The following BAG5 variants were observed in gnomAD, a reference collection of about 807,000 sequenced individuals.
The protein encoded by BAG5 is BAG family molecular chaperone regulator 5.
In BAG5, 25 loss-of-function variants were observed where a neutral mutation model predicts 31.8. The ratio of observed to expected loss-of-function variants is 0.79; its 90% CI spans 0.57 to 1.10. The LOEUF is 1.10. BAG5 is among the 50% of genes least tolerant of loss of function. The probability of loss-of-function intolerance (pLI) is 0.00; values close to 1 mark genes in which losing one functional copy is unlikely to be tolerated. For synonymous variants in BAG5, 208 were observed against 205.0 expected (o/e 1.01, Z -0.13); for missense variants, 491 against 527.9 (o/e 0.93, Z 0.68).
In BAG5 at chr14:103,561,055, T is replaced by G. The variant is rs760957630; in HGVS notation, c.110A>C (p.Lys37Thr). Reference sequence around the variant, plus strand: ...AATCCTCTCCAGTTTCTTGTAATTCTTGTCATCTGACAGACCACTGAAGCC... The same window carrying G: ...AATCCTCTCCAGTTTCTTGTAATTCGTGTCATCTGACAGACCACTGAAGCC... Reference protein sequence around the residue: ...VIGFSGLSDDKNYKKLERILT... With the variant: ...VIGFSGLSDDTNYKKLERILT... Residue 37 changes from lysine to threonine, a missense_variant, in exon 2 of 2, where the codon AAG becomes ACG. Transcript: ENST00000299204. 29 of 1,613,016 alleles carry G rather than the reference T, an allele frequency of 1.8e-5. No homozygotes were observed. The highest frequency in any genetic ancestry group is 2.2e-5 in the Non-Finnish European group (26 of 1,180,044).
rs766470677 is a variant in BAG5, at chr14:103,559,943, C to A, written c.1222G>T (p.Ala408Ser). The A allele has an allele frequency of 1.4e-4, 233 of 1,614,234 alleles. No individual in the cohort carries two copies. The Middle Eastern group carries it at 2.6e-3, about 18-fold the overall frequency. ...CCCTGCGGATCAACAGCATCCAGGGCTAGCAGCTGCTTGGTGAGCAGCTCT... is the reference window on the plus strand; with the variant it reads ...CCCTGCGGATCAACAGCATCCAGGGATAGCAGCTGCTTGGTGAGCAGCTCT... Reference protein sequence around the residue: ...LEELLTKQLLALDAVDPQGEE... With the variant: ...LEELLTKQLLSLDAVDPQGEE... The change falls in exon 2 of 2, where the codon GCC (alanine) becomes TCC (serine). Residue 408 changes from alanine (A) to serine (S), a missense_variant. By Grantham distance (99) the Ala-to-Ser change is moderately conservative. Transcript: ENST00000299204.
At chr14:103,561,255 T>C in intron 1 of BAG5, 63 bp from the exon 2 acceptor site, 3 of 1,464,576 alleles carry the variant, frequency 2.0e-6, no homozygotes, top group Non-Finnish European at 1.8e-6. Flanking sequence ...ACTAATGGTA[T>C]ATTAAGTCAT....
At position 103,559,907 on chromosome 14, in the gene BAG5, A is replaced by C; in HGVS notation, c.1258T>G (p.Cys420Gly). The C allele has an allele frequency of 6.2e-7, 1 of 1,614,134 alleles. No individual in the cohort carries two copies. Among genetic ancestry groups the C allele is most frequent in the South Asian group, 1.1e-5 (1 of 91,084 alleles). The change falls in exon 2 of 2, where the codon TGT (cysteine) becomes GGT (glycine). Residue 420 changes from cysteine (C) to glycine (G), a missense_variant. By Grantham distance (159) the Cys-to-Gly change is radical. Transcript: ENST00000299204. ...DAVDPQGEEK[C>G]KAARKQAVRL... ...ACAGCTTGTTTCCTGGCAGCCTTAC[A>C]CTTCTCTTCTCCCTGCGGATCAACA...
At chr14:103,562,248 C>T (rs1396780644) in intron 1 of BAG5, 3 of 516,100 alleles carry the variant, frequency 5.8e-6, no homozygotes, top group South Asian at 2.2e-5. Context: ...GCGGGGCAGC[C>T]GGTGAAGGGG....
chr14:103,561,868 AC>A, intron 1 of BAG5: 3 of 1,477,328 alleles, frequency 2.0e-6, no homozygotes, highest in Non-Finnish European at 1.9e-6. Flanking sequence ...TCAAAAAAAA[AC>A]AACCCGCGAA....
rs73361323 is a variant in BAG5, at chr14:103,561,966, A to G, written c.-29+650T>C. On this transcript the variant is annotated intron_variant, in intron 1 of 1. Coordinates refer to ENST00000299204, the MANE Select transcript of BAG5 (RefSeq NM_001015048.3). ...TGCACGTTTCAAGCTCTTGGTTTCT[A>G]TCAAACGGCTCGCTCAAGGTGGGTA... is the stretch of plus-strand genomic sequence containing the variant. 4.9e-3 allele frequency: 7,902 copies of G among 1,613,990 alleles called. 353 individuals are homozygous for G. The African/African-American group carries it at 0.091, about 19-fold the overall frequency.
chr14:103,559,939 A>G lies in BAG5; in HGVS notation c.1226T>C (p.Leu409Pro). The G allele has an allele frequency of 1.2e-6, 2 of 1,614,252 alleles. No individual in the cohort carries two copies. The highest frequency in any genetic ancestry group is 1.7e-6 in the Non-Finnish European group (2 of 1,180,052). Reference protein sequence around the residue: ...EELLTKQLLALDAVDPQGEEK... With the variant: ...EELLTKQLLAPDAVDPQGEEK... ...TTCTCCCTGCGGATCAACAGCATCC[A>G]GGGCTAGCAGCTGCTTGGTGAGCAG... Residue 409 changes from leucine to proline, a missense_variant, in exon 2 of 2, where the codon CTG (leucine) becomes CCG (proline). Physicochemically the swap from Leu to Pro is moderately conservative, Grantham distance 98. Coordinates refer to ENST00000299204, the MANE Select transcript of BAG5 (RefSeq NM_001015048.3).
Position 103,560,308 on chromosome 14 carries a change from A to T in BAG5, c.857T>A (p.Met286Lys), listed in dbSNP as rs746911735. 1.3e-5 allele frequency: 21 copies of T among 1,614,004 alleles called. No individual in the cohort carries two copies. Among genetic ancestry groups the T allele is most frequent in the Middle Eastern group, 1.6e-4 (1 of 6,062 alleles). The change falls in exon 2 of 2, where the codon ATG becomes AAG. Residue 286 changes from methionine to lysine, a missense_variant. Transcript: ENST00000299204. ...GAGAAGTTCATTTTTTATTTCTCTCATTCTCTTGAGGACCTTTTCTATTTT... is the reference window on the plus strand; with the variant it reads ...GAGAAGTTCATTTTTTATTTCTCTCTTTCTCTTGAGGACCTTTTCTATTTT... The part of the protein sequence containing the change: ...ILKIEKVLKR[M>K]REIKNELLQA...
In BAG5 at chr14:103,560,931, A is replaced by G. The variant is rs1253518775; in HGVS notation, c.234T>C (p.Leu78=). The part of the protein sequence containing the change: ...RKRAAQETER[L]LKELEQNANH... ...TTGCATTCTGCTCCAACTCTTTGAG[A>G]AGACGTTCTGTCTCCTGTGCTGCCC... Residue 78 remains leucine, a synonymous_variant, in exon 2 of 2, where the codon CTT becomes CTC. Coordinates refer to ENST00000299204, the MANE Select transcript of BAG5 (RefSeq NM_001015048.3). 16 of 1,614,032 alleles carry G rather than the reference A, an allele frequency of 9.9e-6. No individual in the cohort carries two copies. The highest frequency in any genetic ancestry group is 1.4e-5 in the Non-Finnish European group (16 of 1,180,058).
At chr14:103,561,381 G>C (rs749906360) in intron 1 of BAG5, among the ~76,000 whole-genome samples, 189 bp from the exon 2 acceptor site, 1 of 152,150 alleles carries the variant, frequency 6.6e-6, no homozygotes, top group Non-Finnish European at 1.5e-5. Context: ...ATTTTTAGTA[G>C]AGACAGGTCT....
rs773010949 is a variant in BAG5 at position 103,560,733 on chromosome 14, G to A, written c.432C>T (p.Ser144=). ...LTHVKTGGKI[S]LRKARYHTLT... The stretch of plus-strand genomic sequence containing the variant: ...AAGTGTGATACCTTGCTTTCCGCAA[G>A]GAGATTTTTCCTCCAGTTTTAACAT... The change falls in exon 2 of 2, where the codon TCC becomes TCT. Residue 144 remains serine, a synonymous_variant. Transcript: ENST00000299204. 9 of 1,614,074 alleles carry A rather than the reference G, an allele frequency of 5.6e-6. No individual in the cohort carries two copies. The highest frequency in any genetic ancestry group is 1.7e-5 in the Admixed American group (1 of 59,990).
chr14:103,560,466 G>A lies in BAG5; in HGVS notation c.699C>T (p.Cys233=), dbSNP rs201699944. Residue 233 remains cysteine, a synonymous_variant, in exon 2 of 2, where the codon TGC becomes TGT. Transcript: ENST00000299204. ...LIADLDALDV[C]GRTEIRNYRR... ...GATAATTTCTGATTTCTGTCCGGCCGCACACATCTAGAGCATCCAGGTCAG... is the reference window on the plus strand; with the variant it reads ...GATAATTTCTGATTTCTGTCCGGCCACACACATCTAGAGCATCCAGGTCAG... 44 of 1,613,902 alleles carry A rather than the reference G, an allele frequency of 2.7e-5. No homozygotes were observed. Among genetic ancestry groups the A allele is most frequent in the Admixed American group, 6.7e-5 (4 of 60,002 alleles).
Position 103,560,550 on chromosome 14 carries a change from C to T in BAG5, c.615G>A (p.Met205Ile), listed in dbSNP as rs767484038. 1.2e-6 allele frequency: 2 copies of T among 1,614,088 alleles called. No individual in the cohort carries two copies. The highest frequency in any genetic ancestry group is 1.1e-5 in the South Asian group (1 of 91,068). Reference protein sequence around the residue: ...KARGVLIALLMGVNNNETCRH... With the variant: ...KARGVLIALLIGVNNNETCRH... ...TGCAGGTCTCATTGTTGTTCACACC[C>T]ATCAGAAGTGCAATCAGGACCCCTC... Residue 205 changes from methionine (M) to isoleucine (I), a missense_variant, in exon 2 of 2, where the codon ATG (methionine) becomes ATA (isoleucine). Coordinates refer to ENST00000299204, the MANE Select transcript of BAG5 (RefSeq NM_001015048.3).
intron 1 of BAG5, chr14:103,562,105 A>G (rs962452873): frequency 7.2e-6 from 6 of 829,580 alleles, no homozygotes; most frequent in African/African-American, 5.1e-5. Flanking sequence ...TTTACCCAAA[A>G]GAAGTCTGAA....
intron 1 of BAG5, chr14:103,562,158 G>A (rs1172820221): frequency 3.1e-6 from 2 of 640,862 alleles, no homozygotes; most frequent in South Asian, 1.8e-5. Flanking sequence ...TGGCGAGGTG[G>A]AAGATCAGCC....
chr14:103,562,359 C>T lies in BAG5; in HGVS notation c.-29+257G>A, dbSNP rs934073546. 21 of 281,398 alleles carry T rather than the reference C, an allele frequency of 7.5e-5. No homozygotes were observed. In the Admixed American group the frequency reaches 1.1e-3, roughly 14 times the overall value. The allele number at this position is 281,398 out of a possible 1,614,324, so 17.4% of individuals were successfully genotyped here. A position where few individuals can be genotyped will look rare whatever the true frequency, so the allele number is the denominator to read the frequency against. On this transcript the variant is annotated intron_variant, in intron 1 of 1. Coordinates refer to ENST00000299204, the MANE Select transcript of BAG5 (RefSeq NM_001015048.3). Reference sequence around the variant, plus strand: ...AATGGGCGCGCGAGGGGAGCTCGGCCCGGCCGGGGGAAGCCGGGGGAGGAG... The same window carrying T: ...AATGGGCGCGCGAGGGGAGCTCGGCTCGGCCGGGGGAAGCCGGGGGAGGAG...
At position 103,557,595 on chromosome 14, in the gene BAG5, C is replaced by G. The variant is rs990720602; in HGVS notation, c.*2226G>C. On this transcript the variant is annotated 3_prime_UTR_variant, in exon 2 of 2. Coordinates refer to ENST00000299204, the MANE Select transcript of BAG5 (RefSeq NM_001015048.3). The stretch of plus-strand genomic sequence containing the variant: ...TTTTAAAGGGAATGCTGACATTTAA[C>G]TTTACAAAATGAAATTTAAAATGTA... The G allele has an allele frequency of 3.3e-5, 5 of 152,204 alleles. No homozygotes were observed. Among genetic ancestry groups the G allele is most frequent in the Non-Finnish European group, 5.9e-5 (4 of 68,028 alleles). 9.4% of individuals were successfully genotyped at this position (152,204 alleles called of 1,614,324 possible).
chr14:103,560,297 T>C lies in BAG5; in HGVS notation c.868A>G (p.Lys290Glu). ...EKVLKRMREI[K>E]NELLQAQNPS... is the part of the protein sequence containing the mutation. Reference sequence around the variant, plus strand: ...TTTTGTGCTTGGAGAAGTTCATTTTTTATTTCTCTCATTCTCTTGAGGACC... The same window carrying C: ...TTTTGTGCTTGGAGAAGTTCATTTTCTATTTCTCTCATTCTCTTGAGGACC... The change falls in exon 2 of 2, where the codon AAA (lysine) becomes GAA (glutamate). Residue 290 changes from lysine (K) to glutamate (E), a missense_variant. Transcript: ENST00000299204. 6.2e-7 allele frequency: 1 copy of C among 1,614,186 alleles called. No homozygotes were observed. Among genetic ancestry groups the C allele is most frequent in the Non-Finnish European group, 8.5e-7 (1 of 1,180,026 alleles).
Position 103,559,716 on chromosome 14 carries a change from ACT to A in BAG5, c.*103_*104del. 7.3e-7 allele frequency: 1 copy of A among 1,376,584 alleles called. No individual in the cohort carries two copies. The highest frequency in any genetic ancestry group is 2.3e-5 in the Admixed American group (1 of 43,644). The allele number at this position is 1,376,584 out of a possible 1,614,324, so 85.3% of individuals were successfully genotyped here. A position where few individuals can be genotyped will look rare whatever the true frequency, so the allele number is the denominator to read the frequency against. On this transcript the variant is annotated 3_prime_UTR_variant, in exon 2 of 2. Coordinates refer to ENST00000299204, the MANE Select transcript of BAG5 (RefSeq NM_001015048.3). ...AATAGAATTTGCTTCAATCATAAATACTGAGACTGAAATATGCACGTATAAAT... is the reference window on the plus strand; with the variant it reads ...AATAGAATTTGCTTCAATCATAAATAGAGACTGAAATATGCACGTATAAAT...
Sources: gnomAD v4.1 joint callset for allele counts (sites outside exome capture counted in the v4.1 genomes callset) on GRCh38, gnomAD v4.1.1 for gene constraint, MANE v1.5 for transcripts, NCBI Gene and HGNC (gene_info 2026-07-23, HGNC 2026-07-21) for gene names.